The following SCHIP1 variants were observed in gnomAD, a reference collection of about 807,000 sequenced individuals.
SCHIP1 encodes schwannomin-interacting protein 1.
In SCHIP1, 8 loss-of-function variants were observed where a neutral mutation model predicts 29.7. The ratio of observed to expected loss-of-function variants is 0.27; its 90% CI spans 0.16 to 0.49. The LOEUF (loss-of-function observed/expected upper bound fraction) is 0.49. Among genes scored for constraint, SCHIP1 ranks in the 20% least tolerant of loss-of-function variants. The pLI is 0.99. For synonymous variants in SCHIP1, 76 were observed against 94.9 expected, an observed-to-expected ratio of 0.80 and a Z score of 1.16; for missense variants, 193 against 294.6, an observed-to-expected ratio of 0.66 and a Z score of 2.52.
chr3:159,824,004 T>C, the SCHIP1 span, among the ~76,000 whole-genome samples: 2 of 152,336 alleles, frequency 1.3e-5, no homozygotes, highest in South Asian at 4.1e-4. Flanking sequence ...AAGGGTATTT[T>C]GAAAGTAATG....
At chr3:159,654,656 T>C in the SCHIP1 span, among the ~76,000 whole-genome samples, 29 of 152,028 alleles carry the variant, frequency 1.9e-4, no homozygotes, top group Admixed American at 5.2e-4. Flanking sequence ...GTATGTGAGC[T>C]CCACAGAGGT....
the SCHIP1 span, among the ~76,000 whole-genome samples, chr3:159,713,082 G>A: frequency 1.3e-5 from 2 of 151,196 alleles, no homozygotes; most frequent in Non-Finnish European, 2.9e-5. Flanking sequence ...TTGAACCTGT[G>A]AGGCAGAGGT....
the SCHIP1 span, among the ~76,000 whole-genome samples, chr3:159,655,524 A>G: frequency 1.2e-4 from 19 of 152,136 alleles, no homozygotes; most frequent in Admixed American, 8.5e-4. Flanking sequence ...GGTCCTTCTC[A>G]GTGCTGGGTG....
At chr3:159,548,774 C>T in the SCHIP1 span, among the ~76,000 whole-genome samples, 4 of 151,968 alleles carry the variant, frequency 2.6e-5, no homozygotes, top group Admixed American at 6.6e-5. Flanking sequence ...AATTTCTTAT[C>T]TCTTTAGTCA....
chr3:159,395,122 A>G, the SCHIP1 span, among the ~76,000 whole-genome samples: 1 of 152,180 alleles, frequency 6.6e-6, no homozygotes, highest in Admixed American at 6.5e-5. Flanking sequence ...TGTTTGTAGT[A>G]TTCTCTGATG....
chr3:159,715,827 G>A, the SCHIP1 span, among the ~76,000 whole-genome samples: 1 of 152,186 alleles, frequency 6.6e-6, no homozygotes, highest in Admixed American at 6.5e-5. Context: ...AAAACACTCT[G>A]CAGGATATTA....
the SCHIP1 span, among the ~76,000 whole-genome samples, chr3:159,761,197 G>A: frequency 3.4e-4 from 52 of 152,216 alleles, no homozygotes; most frequent in African/African-American, 1.2e-3. Flanking sequence ...AGGCCACTCT[G>A]GCTGCATGAA....
At chr3:159,488,276 CAG>C in the SCHIP1 span, among the ~76,000 whole-genome samples, 2 of 151,886 alleles carry the variant, frequency 1.3e-5, no homozygotes, top group African/African-American at 2.4e-5. Flanking sequence ...GATAGTACAA[CAG>C]AGTGACTACA....
At chr3:159,859,845 G>A (rs1158756366) in intron 1 of SCHIP1, among the ~76,000 whole-genome samples, 1 of 152,206 alleles carries the variant, frequency 6.6e-6, no homozygotes, top group Admixed American at 6.5e-5. Context: ...TGTTAGAAAT[G>A]CACATTCTCA....
chr3:159,483,234 G>T, the SCHIP1 span, among the ~76,000 whole-genome samples: 1 of 152,082 alleles, frequency 6.6e-6, no homozygotes. Flanking sequence ...TGCTGGTTTT[G>T]TGATTTCTAT....
At chr3:159,860,829 C>A (rs1713982139) in intron 1 of SCHIP1, among the ~76,000 whole-genome samples, 1 of 152,180 alleles carries the variant, frequency 6.6e-6, no homozygotes, top group Non-Finnish European at 1.5e-5. Context: ...TCTACTGGAT[C>A]CCCTGATTCC....
At chr3:159,392,484 C>T in the SCHIP1 span, among the ~76,000 whole-genome samples, 4 of 148,696 alleles carry the variant, frequency 2.7e-5, no homozygotes, top group African/African-American at 1.0e-4. Flanking sequence ...ACAACAGGCC[C>T]CAGAGTGTGT....
the SCHIP1 span, among the ~76,000 whole-genome samples, chr3:159,612,197 C>G: frequency 3.0e-4 from 46 of 151,616 alleles, no homozygotes; most frequent in Non-Finnish European, 5.9e-4. Flanking sequence ...TCATGATGAC[C>G]AAAGCTATAA....
chr3:159,278,333 C>T, the SCHIP1 span, among the ~76,000 whole-genome samples: 1 of 151,938 alleles, frequency 6.6e-6, no homozygotes, highest in Admixed American at 6.6e-5. Flanking sequence ...TTGGGAAAAA[C>T]CCAGGAGGGA....
the SCHIP1 span, among the ~76,000 whole-genome samples, chr3:159,578,680 A>G: frequency 6.6e-6 from 1 of 152,082 alleles, no homozygotes; most frequent in African/African-American, 2.4e-5. Context: ...TTCTTTGGCT[A>G]TGGCCCCTTT....
the SCHIP1 span, among the ~76,000 whole-genome samples, chr3:159,770,817 A>G: frequency 1.3e-5 from 2 of 152,152 alleles, no homozygotes; most frequent in Non-Finnish European, 2.9e-5. Context: ...AGAGAAAACA[A>G]CAAGAGAGCA....
the SCHIP1 span, among the ~76,000 whole-genome samples, chr3:159,744,852 G>C: frequency 6.6e-6 from 1 of 152,202 alleles, no homozygotes; most frequent in Non-Finnish European, 1.5e-5. Flanking sequence ...GGGCGTGGTG[G>C]CAGGCGCCTG....
At chr3:159,665,394 A>G in the SCHIP1 span, among the ~76,000 whole-genome samples, 1 of 152,132 alleles carries the variant, frequency 6.6e-6, no homozygotes, top group African/African-American at 2.4e-5. Context: ...CTATGGAATC[A>G]AGCAGAACTT....
chr3:159,637,420 CA>C, the SCHIP1 span, among the ~76,000 whole-genome samples: 4 of 148,502 alleles, frequency 2.7e-5, no homozygotes, highest in African/African-American at 7.6e-5. Flanking sequence ...CACACACACA[CA>C]CCTGACTCTT....
Sources: gnomAD v4.1 joint callset for allele counts (sites outside exome capture counted in the v4.1 genomes callset) on GRCh38, gnomAD v4.1.1 for gene constraint, MANE v1.5 for transcripts, NCBI Gene and HGNC (gene_info 2026-07-23, HGNC 2026-07-21) for gene names.